KDM2B: variants seen among roughly 807,000 people sequenced by gnomAD.
The protein encoded by KDM2B is lysine demethylase 2B, also known as lysine-specific demethylase 2B.
A neutral mutation model predicts 150.0 loss-of-function variants in KDM2B; 26 were observed. The ratio of observed to expected loss-of-function variants is 0.17; its 90% CI spans 0.13 to 0.24. The LOEUF (loss-of-function observed/expected upper bound fraction) is 0.24, where lower values mean the gene tolerates loss of function less well. KDM2B is among the 10% of genes least tolerant of loss of function. KDM2B has a pLI of 1.00. For missense variants in KDM2B, 1,265 were observed against 1,816.9 expected (o/e 0.70, Z 5.52); for synonymous variants, 734 against 729.5 (o/e 1.01, Z -0.10).
chr12:121,412,071 A>AT, the KDM2B span, among the ~76,000 whole-genome samples: 3 of 151,418 alleles, frequency 2.0e-5, no homozygotes, highest in African/African-American at 7.3e-5. Flanking sequence ...ATTATTATTA[A>AT]TTTTTTTTGA....
In KDM2B at chr12:121,580,790, G is replaced by A. The variant is rs200967729; in HGVS notation, c.122C>T (p.Thr41Ile). ...YTKCFEFESA[T>I]QRPIDRQRYD... Reference sequence around the variant, plus strand: ...CCACCCCTCCCCCAACATTACCTGTGTGGCCGACTCAAATTCAAAGCATTT... The same window carrying A: ...CCACCCCTCCCCCAACATTACCTGTATGGCCGACTCAAATTCAAAGCATTT... Residue 41 changes from threonine to isoleucine, a missense_variant, in exon 1 of 23, where the codon ACA (threonine) becomes ATA (isoleucine). This residue lies in a region of KDM2B where 53 missense variants were observed against 56.0 expected (regional missense o/e 0.95). Transcript: ENST00000377071. 61 of 1,612,638 alleles carry A rather than the reference G, an allele frequency of 3.8e-5. No homozygotes were observed. Among genetic ancestry groups the A allele is most frequent in the Non-Finnish European group, 3.4e-5 (40 of 1,179,564 alleles).
rs1306047326 is a variant in KDM2B, at chr12:121,518,172, C to T, written c.1047+2813G>A. Among the ~76,000 whole-genome samples, 3 of 152,164 alleles carry T rather than the reference C, an allele frequency of 2.0e-5. No homozygotes were observed. Among genetic ancestry groups the T allele is most frequent in the Non-Finnish European group, 4.4e-5 (3 of 68,040 alleles). On this transcript the variant is annotated intron_variant, in intron 9 of 22. Coordinates refer to ENST00000377071, the MANE Select transcript of KDM2B (RefSeq NM_032590.5). This position sits in a 1 kb window ranked among gnomAD's most constrained non-coding sequence, Gnocchi z 4.4. ...CCTCCCAAAGTGCTGGGATTACAGG[C>T]GTGAGTCACCATGCCCAGCCTATAA... is the stretch of plus-strand genomic sequence containing the variant.
chr12:121,507,650 C>T (rs1885211232), intron 11 of KDM2B, among the ~76,000 whole-genome samples: 1 of 152,192 alleles, frequency 6.6e-6, no homozygotes, highest in Admixed American at 6.6e-5. Context: ...CCTAGGAGGA[C>T]ATCTGTTCCC....
intron 12 of KDM2B, among the ~76,000 whole-genome samples, chr12:121,459,992 T>C (rs1309998746): frequency 6.6e-6 from 1 of 152,194 alleles, no homozygotes; most frequent in Non-Finnish European, 1.5e-5. Flanking sequence ...GAATAGGTAA[T>C]TTTTAAATGG....
At position 121,580,923 on chromosome 12, in the gene KDM2B, A is replaced by G. The variant is rs782380403; in HGVS notation, c.-12T>C. 19 of 1,612,576 alleles carry G rather than the reference A, an allele frequency of 1.2e-5. No homozygotes were observed. The South Asian group carries it at 2.1e-4, about 18-fold the overall frequency. On this transcript the variant is annotated 5_prime_UTR_variant, in exon 1 of 23. An upstream start codon of the reference 5' UTR is lost. Coordinates refer to ENST00000377071, the MANE Select transcript of KDM2B (RefSeq NM_032590.5). ...TGCGGACCCGCCATGTGGAGGAGGC[A>G]TTTGGGGGGCTCAGAAGGAAATTAG...
At chr12:121,534,733 C>CA in intron 6 of KDM2B, 143 bp from the exon 7 acceptor site, 1 of 625,710 alleles carries the variant, frequency 1.6e-6, no homozygotes. Context: ...TTTAAAAATC[C>CA]AAATGTAATC....
At chr12:121,538,139 C>T (rs1555309065) in intron 6 of KDM2B, among the ~76,000 whole-genome samples, 1 of 151,948 alleles carries the variant, frequency 6.6e-6, no homozygotes, top group East Asian at 1.9e-4. Context: ...TGAAACTGAA[C>T]ACCCGCGGCG....
intron 21 of KDM2B, 47 bp downstream of exon 21, chr12:121,440,769 A>C: frequency 6.5e-7 from 1 of 1,544,120 alleles, no homozygotes; most frequent in Non-Finnish European, 8.8e-7. Context: ...CCAACAGTCT[A>C]GCTCGCTCAC....
chr12:121,546,374 T>C (rs1889041137), intron 6 of KDM2B, among the ~76,000 whole-genome samples: 1 of 138,726 alleles, frequency 7.2e-6, no homozygotes, highest in Admixed American at 7.6e-5. Context: ...GTCTTTTTTT[T>C]TTGCCTTTTT....
intron 6 of KDM2B, among the ~76,000 whole-genome samples, chr12:121,548,150 G>A (rs1042974217): frequency 1.3e-5 from 2 of 152,106 alleles, no homozygotes; most frequent in Non-Finnish European, 2.9e-5. Context: ...CGTGACTCAC[G>A]CCTGTACTTG....
Position 121,444,550 on chromosome 12 carries a change from C to T in KDM2B, c.2104-14G>A, listed in dbSNP as rs558912037. ...TGACTCCTTAATCTGCGGGGAACAC[C>T]AGGACTCAGAAGAGGGACGGGCGGA... On this transcript the variant is annotated splice_polypyrimidine_tract_variant and intron_variant, in intron 14 of 22. Transcript: ENST00000377071. 1.9e-6 allele frequency: 3 copies of T among 1,612,676 alleles called. No homozygotes were observed. Among genetic ancestry groups the T allele is most frequent in the Admixed American group, 1.7e-5 (1 of 60,018 alleles).
At chr12:121,566,045 T>A (rs113994381) in intron 4 of KDM2B, among the ~76,000 whole-genome samples, 3,182 of 152,130 alleles carry the variant, frequency 0.021, 118 homozygotes, top group African/African-American at 0.073. Context: ...CTATTCCAGA[T>A]GAACTATAGA....
At chr12:121,498,608 A>G (rs1555301389) in intron 11 of KDM2B, among the ~76,000 whole-genome samples, 1 of 152,116 alleles carries the variant, frequency 6.6e-6, no homozygotes, top group East Asian at 1.9e-4. Context: ...GGCTCTGCAT[A>G]TGACTGAAAG....
chr12:121,420,778 T>C, the KDM2B span: 1 of 1,607,438 alleles, frequency 6.2e-7, no homozygotes, highest in Non-Finnish European at 8.5e-7. Context: ...CCAAAAGTCC[T>C]GTAGGTTTAT....
chr12:121,509,603 G>A lies in KDM2B; in HGVS notation c.1611C>T (p.Gly537=). The change falls in exon 11 of 23, where the codon GGC becomes GGT. Residue 537 remains glycine (G), a synonymous_variant. Coordinates refer to ENST00000377071, the MANE Select transcript of KDM2B (RefSeq NM_032590.5). The part of the protein sequence containing the change: ...LPENKKCVPE[G]IEDPQALLEG... ...CCAGGAGTGCCTGGGGGTCCTCGATGCCCTCGGGGACACACTTCTTGTTCT... is the reference window on the plus strand; with the variant it reads ...CCAGGAGTGCCTGGGGGTCCTCGATACCCTCGGGGACACACTTCTTGTTCT... 6.2e-7 allele frequency: 1 copy of A among 1,613,730 alleles called. No individual in the cohort carries two copies. The highest frequency in any genetic ancestry group is 8.5e-7 in the Non-Finnish European group (1 of 1,179,972).
At position 121,444,441 on chromosome 12, in the gene KDM2B, G is replaced by A. The variant is rs782007741; in HGVS notation, c.2190+9C>T. 44 of 1,614,020 alleles carry A rather than the reference G, an allele frequency of 2.7e-5. No individual in the cohort carries two copies. The Admixed American group carries it at 4.3e-4, about 16-fold the overall frequency. On this transcript the variant is annotated intron_variant, in intron 15 of 22. Transcript: ENST00000377071. ...CGACTGACCCTGGGACTTGGAGCCC[G>A]GCACTCACTTTCCCGGTCTTGCCGG...
chr12:121,483,722 C>T (rs112317883), intron 12 of KDM2B, among the ~76,000 whole-genome samples: 3 of 151,370 alleles, frequency 2.0e-5, no homozygotes, highest in African/African-American at 7.3e-5. Context: ...CAACAACACA[C>T]ACACACACAC....
chr12:121,423,912 C>G, the KDM2B span: 3 of 222,372 alleles, frequency 1.3e-5, no homozygotes, highest in African/African-American at 6.8e-5. The surrounding 1 kb of genome is among the most constrained non-coding windows in gnomAD (Gnocchi z 4.3). Flanking sequence ...CCCCTTCATC[C>G]TATTTTTAAC....
chr12:121,437,500 C>T (rs1874203463), intron 22 of KDM2B, among the ~76,000 whole-genome samples: 1 of 133,980 alleles, frequency 7.5e-6, no homozygotes, highest in Non-Finnish European at 1.7e-5. Context: ...TATATAATGT[C>T]CACATGGGAA....
Sources: allele counts gnomAD v4.1 joint callset (sites outside exome capture counted in the v4.1 genomes callset), GRCh38; gene constraint gnomAD v4.1.1; regional missense constraint gnomAD v4.1.1; non-coding constraint Gnocchi (gnomAD v3.1); transcripts MANE v1.5; gene names NCBI Gene and HGNC (gene_info 2026-07-23, HGNC 2026-07-21).